VASH2: variants seen among roughly 807,000 people sequenced by gnomAD.
VASH2 encodes the protein tubulinyl-Tyr carboxypeptidase 2.
Under a neutral mutation model 37.2 loss-of-function variants are expected in VASH2, and 28 were observed. The observed-to-expected ratio is 0.75, with a 90% CI of 0.56 to 1.03. VASH2 has a LOEUF of 1.03. VASH2 is among the 50% of genes least tolerant of loss of function. The pLI is 0.00. For missense variants in VASH2, 419 were observed against 459.1 expected, an observed-to-expected ratio of 0.91 and a Z score of 0.80; for synonymous variants, 188 against 174.7, an observed-to-expected ratio of 1.08 and a Z score of -0.60.
chr1:212,952,221 C>T (rs757967471), intron 2 of VASH2, among the ~76,000 whole-genome samples: 29 of 152,192 alleles, frequency 1.9e-4, no homozygotes, highest in Admixed American at 1.7e-3. Flanking sequence ...TGTCTTGCTC[C>T]TCCTCTGCTC....
chr1:212,976,568 T>TA (rs10701449), intron 7 of VASH2, among the ~76,000 whole-genome samples: 31,444 of 147,586 alleles, frequency 0.21, 6,087 homozygotes, highest in African/African-American at 0.51. Flanking sequence ...TGAGGCCCTG[T>TA]AAAAAAAAAA....
At chr1:212,979,627 T>C (rs752771434) in intron 7 of VASH2, among the ~76,000 whole-genome samples, 3 of 152,072 alleles carry the variant, frequency 2.0e-5, no homozygotes, top group Non-Finnish European at 4.4e-5. Flanking sequence ...ATAATCCCTT[T>C]CGAGAGGAGG....
At chr1:212,958,492 C>A (rs550281291) in intron 2 of VASH2, among the ~76,000 whole-genome samples, 40 of 152,316 alleles carry the variant, frequency 2.6e-4, no homozygotes, top group South Asian at 2.3e-3. Context: ...ACCCTGCCAT[C>A]CAGCTCTTGT....
At chr1:212,968,246 T>G in intron 5 of VASH2, 2 of 985,208 alleles carry the variant, frequency 2.0e-6, no homozygotes, top group Middle Eastern at 5.2e-4. Context: ...GTTCAATAAG[T>G]GAAAGGAGAA....
chr1:212,972,781 G>A lies in VASH2; in HGVS notation c.699G>A (p.Glu233=), dbSNP rs1248523852. ...TGAGTGACCTCATCTTTGACTTTGA[G>A]GACTCTTACAAGAAATACCTGCACA... ...RTLSDLIFDF[E]DSYKKYLHTV... is the part of the protein sequence containing the mutation. The change falls in exon 6 of 8, where the codon GAG becomes GAA. Residue 233 remains glutamate (E), a synonymous_variant. Transcript: ENST00000517399. 2 of 1,614,174 alleles carry A rather than the reference G, an allele frequency of 1.2e-6. No homozygotes were observed. Among genetic ancestry groups the A allele is most frequent in the Non-Finnish European group, 1.7e-6 (2 of 1,180,032 alleles).
chr1:212,974,940 C>G (rs1462396638), intron 7 of VASH2: 1 of 152,220 alleles, frequency 6.6e-6, no homozygotes, highest in Non-Finnish European at 1.5e-5. Context: ...CCTTGCCTAT[C>G]TGACACGGTG....
chr1:212,964,696 CCA>C (rs1666784531), intron 3 of VASH2, among the ~76,000 whole-genome samples: 1 of 152,096 alleles, frequency 6.6e-6, no homozygotes, highest in Non-Finnish European at 1.5e-5. Flanking sequence ...AGTGACATCT[CCA>C]CAGTAAGCCC....
chr1:212,951,494 T>TGCC lies in VASH2; in HGVS notation c.-40_-38dup, dbSNP rs1192093183. On this transcript the variant is annotated 5_prime_UTR_variant, in exon 2 of 8. Coordinates refer to ENST00000517399, the MANE Select transcript of VASH2 (RefSeq NM_001301056.2). This position sits in a 1 kb window ranked among gnomAD's most constrained non-coding sequence, Gnocchi z 4.4. Reference sequence around the variant, plus strand: ...ACACGCCCCCCGCCGCCGCCGCCGCTGCCGCCGCCGCGCGCCCCCAGTACC... The same window carrying TGCC: ...ACACGCCCCCCGCCGCCGCCGCCGCTGCCGCCGCCGCCGCGCGCCCCCAGTACC... 5 of 1,192,044 alleles carry TGCC rather than the reference T, an allele frequency of 4.2e-6. No homozygotes were observed. The highest frequency in any genetic ancestry group is 4.2e-5 in the South Asian group (1 of 23,912). The allele number at this position is 1,192,044 out of a possible 1,614,324, so 73.8% of individuals were successfully genotyped here. A position where few individuals can be genotyped will look rare whatever the true frequency, so the allele number is the denominator to read the frequency against.
In VASH2 at chr1:212,990,050, TAGGA is replaced by T. The variant is rs1041386417; in HGVS notation, c.*1473_*1476del. 2.2e-4 allele frequency: 33 copies of T among 151,056 alleles called. 1 individual carries two copies. Among genetic ancestry groups the T allele is most frequent in the Admixed American group, 2.1e-3 (31 of 15,114 alleles). 9.4% of individuals were successfully genotyped at this position (151,056 alleles called of 1,614,324 possible). A position where few individuals can be genotyped will look rare whatever the true frequency, so the allele number is the denominator to read the frequency against. ...GGCTTTCTTTGACTGAAGGTGTTTATAGGAAGGAAGTTAAAAAAAAAAAAAGCTC... is the reference window on the plus strand; with the variant it reads ...GGCTTTCTTTGACTGAAGGTGTTTATAGGAAGTTAAAAAAAAAAAAAGCTC... On this transcript the variant is annotated 3_prime_UTR_variant, in exon 8 of 8. Transcript: ENST00000517399.
In VASH2 at chr1:212,961,863, G is replaced by A. The variant is rs185045997; in HGVS notation, c.365+609G>A. On this transcript the variant is annotated intron_variant, in intron 3 of 7. Coordinates refer to ENST00000517399, the MANE Select transcript of VASH2 (RefSeq NM_001301056.2). ...GATCCGCCCACCTCGGCCTCCCAAA[G>A]TGCTGGGATTACAGGCGTGAGTCAC... 2.6e-5 allele frequency among the ~76,000 whole-genome samples: 4 copies of A among 152,364 alleles called. 1 individual carries two copies. Among genetic ancestry groups the A allele is most frequent in the Admixed American group, 2.0e-4 (3 of 15,310 alleles).
In VASH2 at chr1:212,973,360, C is replaced by G. The variant is rs1291678228; in HGVS notation, c.879+399C>G. 2.4e-6 allele frequency: 3 copies of G among 1,276,568 alleles called. No individual in the cohort carries two copies. The African/African-American group carries it at 4.6e-5, about 19-fold the overall frequency. 79.1% of individuals were successfully genotyped at this position (1,276,568 alleles called of 1,614,324 possible). On this transcript the variant is annotated intron_variant, in intron 6 of 7. Transcript: ENST00000517399. ...CTTATATAGACTATACTCATACGTC[C>G]CTCTTCTCTCTCTCAGTTTTACCTC...
chr1:212,977,975 A>C (rs1056193036), intron 7 of VASH2, among the ~76,000 whole-genome samples: 14 of 152,218 alleles, frequency 9.2e-5, no homozygotes, highest in Non-Finnish European at 1.5e-5. Flanking sequence ...TCACTGGCTA[A>C]AAGTACTGGG....
At chr1:212,962,130 T>C (rs1041984569) in intron 3 of VASH2, among the ~76,000 whole-genome samples, 2 of 152,170 alleles carry the variant, frequency 1.3e-5, no homozygotes, top group Non-Finnish European at 2.9e-5. Context: ...AGAAACTCAC[T>C]GGGTTCAGTC....
chr1:212,965,013 T>TA (rs1287458585), intron 3 of VASH2, among the ~76,000 whole-genome samples: 1 of 152,080 alleles, frequency 6.6e-6, no homozygotes, highest in Non-Finnish European at 1.5e-5. Flanking sequence ...TTCTGCCTCT[T>TA]AGATTCAAGT....
rs565365992 is a variant in VASH2 at position 212,991,429 on chromosome 1, G to T, written c.*2845G>T. ...TTTTTAAATCTTTAAGAAGAACTGT[G>T]ATTGTTTTAGTGGGTATTTTTCTAA... On this transcript the variant is annotated 3_prime_UTR_variant, in exon 8 of 8. Coordinates refer to ENST00000517399, the MANE Select transcript of VASH2 (RefSeq NM_001301056.2). The T allele has an allele frequency of 2.0e-5, 3 of 152,262 alleles. No individual in the cohort carries two copies. The East Asian group carries it at 5.8e-4, about 29-fold the overall frequency. The allele number at this position is 152,262 out of a possible 1,614,324, so 9.4% of individuals were successfully genotyped here.
rs763331978 is a variant in VASH2 at position 212,989,591 on chromosome 1, G to A, written c.*1007G>A. 1 of 152,184 alleles carries A rather than the reference G, an allele frequency of 6.6e-6. No individual in the cohort carries two copies. Among genetic ancestry groups the A allele is most frequent in the Non-Finnish European group, 1.5e-5 (1 of 68,040 alleles). The allele number at this position is 152,184 out of a possible 1,614,324, so 9.4% of individuals were successfully genotyped here. A position where few individuals can be genotyped will look rare whatever the true frequency, so the allele number is the denominator to read the frequency against. On this transcript the variant is annotated 3_prime_UTR_variant, in exon 8 of 8. Transcript: ENST00000517399. ...GAATCAAACTAAGGGAGGACTCACT[G>A]TTAAAGATGTGTTCTGATGTCTTAT...
chr1:212,983,315 G>A (rs1325479601), intron 7 of VASH2, among the ~76,000 whole-genome samples: 1 of 152,192 alleles, frequency 6.6e-6, no homozygotes, highest in Non-Finnish European at 1.5e-5. Context: ...ATTGGCCCAT[G>A]GTTCTGGATG....
chr1:212,981,672 A>G (rs1054505714), intron 7 of VASH2, among the ~76,000 whole-genome samples: 2 of 152,174 alleles, frequency 1.3e-5, no homozygotes, highest in African/African-American at 4.8e-5. Context: ...CTGTACCGCC[A>G]GTCTGGCCTT....
intron 7 of VASH2, among the ~76,000 whole-genome samples, chr1:212,986,175 G>A (rs1012759926): frequency 1.3e-5 from 2 of 152,222 alleles, no homozygotes; most frequent in African/African-American, 2.4e-5. Flanking sequence ...TCTAGGAAAT[G>A]ACCTGCATTT....
Sources: gnomAD v4.1 joint callset for allele counts (sites outside exome capture counted in the v4.1 genomes callset) on GRCh38, gnomAD v4.1.1 for gene constraint, Gnocchi (gnomAD v3.1) non-coding constraint, MANE v1.5 for transcripts, NCBI Gene and HGNC (gene_info 2026-07-23, HGNC 2026-07-21) for gene names.